Variants in SMG1 observed in about 807,000 individuals in gnomAD.
SMG1 encodes serine/threonine-protein kinase SMG1.
In SMG1, 22 loss-of-function variants were observed where a neutral mutation model predicts 419.9. The ratio of observed to expected loss-of-function variants is 0.05; its 90% CI spans 0.04 to 0.07. The LOEUF (loss-of-function observed/expected upper bound fraction) is 0.07. Among genes scored for constraint, SMG1 ranks in the 10% least tolerant of loss-of-function variants. SMG1 has a pLI of 1.00. For synonymous variants in SMG1, 1,538 were observed against 1,553.5 expected (o/e 0.99, Z 0.23); for missense variants, 3,185 against 4,342.0 (o/e 0.73, Z 7.49).
chr16:18,814,592 T>G (rs2031809788), intron 60 of SMG1, among the ~76,000 whole-genome samples: 1 of 152,136 alleles, frequency 6.6e-6, no homozygotes, highest in Non-Finnish European at 1.5e-5. Context: ...TTCATTTTTT[T>G]GAGACAGAGT....
Position 18,829,268 on chromosome 16 carries a change from A to C in SMG1, c.9603+18T>G, listed in dbSNP as rs1180348487. On this transcript the variant is annotated intron_variant, in intron 54 of 62. Coordinates refer to ENST00000446231, the MANE Select transcript of SMG1 (RefSeq NM_015092.5). ...TTCCTACCTTGAGGAAAAACACATT[A>C]TAAACAAAAACACTTACCTGAAACA... 1 of 1,586,672 alleles carries C rather than the reference A, an allele frequency of 6.3e-7. No individual in the cohort carries two copies. The highest frequency in any genetic ancestry group is 8.6e-7 in the Non-Finnish European group (1 of 1,162,694).
chr16:18,846,219 T>C (rs1220424783), intron 38 of SMG1, among the ~76,000 whole-genome samples: 1 of 152,042 alleles, frequency 6.6e-6, no homozygotes, highest in African/African-American at 2.4e-5. Flanking sequence ...TGCAAAAGAA[T>C]GAAGCAATAA....
At chr16:18,885,954 T>A (rs1273471692) in intron 6 of SMG1, among the ~76,000 whole-genome samples, 4 of 151,948 alleles carry the variant, frequency 2.6e-5, no homozygotes, top group Admixed American at 6.6e-5. Flanking sequence ...TCAAAAAAAA[T>A]AATAATTAAT....
At chr16:18,843,435 G>A (rs1596502855) in intron 39 of SMG1, among the ~76,000 whole-genome samples, 1 of 152,276 alleles carries the variant, frequency 6.6e-6, no homozygotes, top group Non-Finnish European at 1.5e-5. Flanking sequence ...GTTGCTACAT[G>A]CAGCAAACTC....
chr16:18,906,832 A>G (rs2037580934), intron 1 of SMG1, among the ~76,000 whole-genome samples: 1 of 152,132 alleles, frequency 6.6e-6, no homozygotes, highest in East Asian at 1.9e-4. Flanking sequence ...GGCAAAATCC[A>G]TTATGACCTC....
chr16:18,828,318 A>T, intron 54 of SMG1, 150 bp from the exon 55 acceptor site: 1 of 690,534 alleles, frequency 1.4e-6, no homozygotes, highest in African/African-American at 1.8e-5. Context: ...AACAGAAAAG[A>T]CACACTGAAA....
intron 58 of SMG1, chr16:18,816,096 TTCTC>T (rs938172716): frequency 1.7e-6 from 1 of 578,450 alleles, no homozygotes; most frequent in Non-Finnish European, 3.0e-6. Context: ...AAGCCTTAGC[TTCTC>T]TGTGTATGAA....
At chr16:18,898,231 A>G (rs748973153) in intron 1 of SMG1, among the ~76,000 whole-genome samples, 15 of 152,204 alleles carry the variant, frequency 9.9e-5, no homozygotes, top group Non-Finnish European at 1.6e-4. Context: ...TTAAACTTGG[A>G]TATCTAACTG....
intron 1 of SMG1, among the ~76,000 whole-genome samples, chr16:18,910,797 T>C (rs891146485): frequency 4.6e-5 from 7 of 152,162 alleles, no homozygotes; most frequent in Non-Finnish European, 7.3e-5. Flanking sequence ...AACCTTTCAA[T>C]GTTTCTGGCA....
At chr16:18,877,396 A>C (rs946457492) in intron 11 of SMG1, 164 bp from the exon 12 acceptor site, 6 of 499,870 alleles carry the variant, frequency 1.2e-5, no homozygotes, top group African/African-American at 1.2e-4. Context: ...CGGAGACAGT[A>C]AAAAGATCAG....
chr16:18,872,131 T>C (rs2035855812), intron 15 of SMG1, 53 bp downstream of exon 15: 4 of 1,108,942 alleles, frequency 3.6e-6, no homozygotes, highest in East Asian at 2.7e-5. Flanking sequence ...TCTCAAATTA[T>C]AAAGGCAAAT....
chr16:18,818,933 C>T (rs2032268121), intron 56 of SMG1, among the ~76,000 whole-genome samples: 1 of 151,720 alleles, frequency 6.6e-6, no homozygotes, highest in Admixed American at 6.6e-5. Context: ...TCCCCTGCCT[C>T]AGACTCCTGA....
intron 1 of SMG1, chr16:18,911,673 C>G (rs1448080496): frequency 2.6e-5 from 4 of 151,884 alleles, no homozygotes; most frequent in African/African-American, 9.7e-5. Context: ...CAGAGGGACA[C>G]AGCTGGTAGT....
At chr16:18,902,253 G>T (rs1199582942) in intron 1 of SMG1, among the ~76,000 whole-genome samples, 2 of 152,178 alleles carry the variant, frequency 1.3e-5, no homozygotes, top group African/African-American at 4.8e-5. Context: ...AGGACAATTT[G>T]AAACTCCAAC....
Position 18,849,299 on chromosome 16 carries a change from A to G in SMG1, c.5541T>C (p.Arg1847=). 6.2e-7 allele frequency: 1 copy of G among 1,613,876 alleles called. No homozygotes were observed. Among genetic ancestry groups the G allele is most frequent in the South Asian group, 1.1e-5 (1 of 91,082 alleles). ...VRQSICNLLC[R]VAQDSPHLIL... ...TGAGATGTGGGGAATCTTGAGCCACACGGCAGAGAAGGTTACAAATACTTT... is the reference window on the plus strand; with the variant it reads ...TGAGATGTGGGGAATCTTGAGCCACGCGGCAGAGAAGGTTACAAATACTTT... The change falls in exon 36 of 63, where the codon CGT becomes CGC. Residue 1847 remains arginine, a synonymous_variant. Transcript: ENST00000446231.
chr16:18,853,529 GA>G, intron 31 of SMG1, 53 bp downstream of exon 31: 6 of 1,415,792 alleles, frequency 4.2e-6, no homozygotes, highest in Non-Finnish European at 5.6e-6. Context: ...CTTTAAAACA[GA>G]AAAAAATATA....
intron 1 of SMG1, among the ~76,000 whole-genome samples, chr16:18,921,067 G>A (rs36073655): frequency 0.18 from 27,630 of 151,118 alleles, 2,623 homozygotes; most frequent in Middle Eastern, 0.24. Context: ...GAACCAGGAG[G>A]TGGAGGTTAC....
In SMG1 at chr16:18,811,887, T is replaced by G; in HGVS notation, c.10802-20A>C. 1.2e-6 allele frequency: 2 copies of G among 1,613,400 alleles called. No individual in the cohort carries two copies. The highest frequency in any genetic ancestry group is 1.7e-6 in the Non-Finnish European group (2 of 1,179,636). ...GCACCGCTATGAAGCAACAAAAACA[T>G]ACGTAAGTCAAACCGTCATTTTATA... On this transcript the variant is annotated intron_variant, in intron 61 of 62. Transcript: ENST00000446231.
intron 1 of SMG1, among the ~76,000 whole-genome samples, chr16:18,903,106 T>TAA (rs2037412278): frequency 6.6e-6 from 1 of 152,208 alleles, no homozygotes; most frequent in Non-Finnish European, 1.5e-5. Context: ...ATTACAGGCA[T>TAA]AAGCCACTGC....
Sources: allele counts gnomAD v4.1 joint callset (sites outside exome capture counted in the v4.1 genomes callset), GRCh38; gene constraint gnomAD v4.1.1; transcripts MANE v1.5; gene names NCBI Gene and HGNC (gene_info 2026-07-23, HGNC 2026-07-21).